The following KAZN variants were observed in gnomAD, a reference collection of about 807,000 sequenced individuals.
KAZN encodes the protein kazrin, periplakin interacting protein.
KAZN carries 40 observed loss-of-function variants against 87.4 expected under a neutral mutation model. The observed-to-expected ratio is 0.46, with a 90% confidence interval of 0.36 to 0.60. The LOEUF is 0.60. Ranked by LOEUF, KAZN falls within the 20% of genes least tolerant of loss-of-function variation. The pLI is 0.00. For synonymous variants in KAZN, 466 were observed against 458.3 expected (o/e 1.02, Z -0.22); for missense variants, 898 against 1,073.9 (o/e 0.84, Z 2.29).
rs12061128 is a variant in KAZN, at chr1:14,858,209, C to T, written c.227-102475C>T. 1.0e-2 allele frequency among the ~76,000 whole-genome samples: 1,155 copies of T among 115,648 alleles called. 26 individuals carry two copies. The highest frequency in any genetic ancestry group is 0.036 in the African/African-American group (937 of 26,248). The allele number at this position is 115,648 out of a possible 152,430, so 75.9% of individuals were successfully genotyped here. A position where few individuals can be genotyped will look rare whatever the true frequency, so the allele number is the denominator to read the frequency against. On this transcript the variant is annotated intron_variant, in intron 1 of 14. Coordinates refer to ENST00000376030, the MANE Select transcript of KAZN (RefSeq NM_201628.3). ...CTTTCTTTTTTTCTTTTTTCTTTTT[C>T]TTTTCTTTTTTTTTTTTTTTTGAGA... is the stretch of plus-strand genomic sequence containing the variant.
intron 2 of KAZN, among the ~76,000 whole-genome samples, chr1:14,196,334 T>C (rs938892689): frequency 9.9e-5 from 15 of 152,184 alleles, no homozygotes; most frequent in Non-Finnish European, 1.9e-4. Flanking sequence ...GAGTAACCTG[T>C]ACAATAGGGC....
chr1:14,236,687 G>C (rs1648456207), intron 2 of KAZN, among the ~76,000 whole-genome samples: 1 of 152,162 alleles, frequency 6.6e-6, no homozygotes, highest in African/African-American at 2.4e-5. Context: ...GGAGGCAAGG[G>C]TGGGTAGATT....
chr1:14,223,719 C>G (rs910849543), intron 2 of KAZN, among the ~76,000 whole-genome samples: 7 of 152,158 alleles, frequency 4.6e-5, no homozygotes, highest in African/African-American at 1.7e-4. Context: ...ATACAAGACT[C>G]TCGACGATGA....
intron 2 of KAZN, among the ~76,000 whole-genome samples, chr1:14,381,881 G>A (rs139012062): frequency 1.3e-5 from 2 of 152,192 alleles, no homozygotes; most frequent in African/African-American, 4.8e-5. Context: ...AAAGGAAGAA[G>A]TCAAATATCC....
At chr1:14,200,373 T>A (rs918528172) in intron 2 of KAZN, among the ~76,000 whole-genome samples, 4 of 152,236 alleles carry the variant, frequency 2.6e-5, no homozygotes, top group Non-Finnish European at 4.4e-5. Context: ...ATCCTTTCTT[T>A]TTTTTGAATT....
At chr1:14,369,202 A>G (rs1014002630) in intron 2 of KAZN, among the ~76,000 whole-genome samples, 1 of 152,172 alleles carries the variant, frequency 6.6e-6, no homozygotes, top group African/African-American at 2.4e-5. Flanking sequence ...CTCTCAGGAG[A>G]AATGTTCTCG....
In KAZN at chr1:15,060,256, C is replaced by T. The variant is rs781636405; in HGVS notation, c.1001C>T (p.Pro334Leu). The stretch of plus-strand genomic sequence containing the variant: ...GCCGAAGGCGACCGGTCGTCCACAC[C>T]GAGCGACATCAACTCCCCTCGACAC... ...SAAEGDRSST[P>L]SDINSPRHRT... Residue 334 changes from proline to leucine, a missense_variant, in exon 6 of 15, where the codon CCG becomes CTG. Coordinates refer to ENST00000376030, the MANE Select transcript of KAZN (RefSeq NM_201628.3). 1.9e-6 allele frequency: 3 copies of T among 1,614,232 alleles called. No individual in the cohort carries two copies. The highest frequency in any genetic ancestry group is 1.3e-5 in the African/African-American group (1 of 75,080).
rs74435189 is a variant in KAZN, at chr1:14,418,213, C to T, written c.250-180770C>T. Among the ~76,000 whole-genome samples, 927 of 151,968 alleles carry T rather than the reference C, an allele frequency of 6.1e-3. 40 individuals carry two copies. The highest frequency in any genetic ancestry group is 0.047 in the Admixed American group (723 of 15,258). On this transcript the variant is annotated intron_variant, in intron 2 of 16. Transcript: ENST00000636203. ...GGTAGTGTTGATGAGATATTAGGAGCTCAAATTCAGGAAGATCTGAGTTCA... is the reference window on the plus strand; with the variant it reads ...GGTAGTGTTGATGAGATATTAGGAGTTCAAATTCAGGAAGATCTGAGTTCA...
At chr1:14,405,005 C>G (rs1663712374) in intron 2 of KAZN, among the ~76,000 whole-genome samples, 1 of 152,108 alleles carries the variant, frequency 6.6e-6, no homozygotes, top group Non-Finnish European at 1.5e-5. Context: ...TTTATGTTTT[C>G]TACATTGCAT....
At position 15,081,085 on chromosome 1, in the gene KAZN, G is replaced by A. The variant is rs1356362901; in HGVS notation, c.1223-13095G>A. On this transcript the variant is annotated intron_variant, in intron 8 of 14. Transcript: ENST00000376030. This position sits in a 1 kb window ranked among gnomAD's most constrained non-coding sequence, Gnocchi z 4.1. ...CCCTGCTGTGGCTGGAAGAGGCGTG[G>A]ACGAGGCGGGGTTGGCAGAAGATGA... 1.3e-5 allele frequency among the ~76,000 whole-genome samples: 2 copies of A among 152,260 alleles called. No homozygotes were observed. Among genetic ancestry groups the A allele is most frequent in the African/African-American group, 4.8e-5 (2 of 41,476 alleles).
At chr1:14,178,028 C>CATGG (rs1646121694) in intron 1 of KAZN, among the ~76,000 whole-genome samples, 1 of 152,194 alleles carries the variant, frequency 6.6e-6, no homozygotes, top group Admixed American at 6.5e-5. Context: ...GTAATTTAAT[C>CATGG]ATGGGGGCGG....
chr1:14,151,021 T>G (rs1304988490), intron 1 of KAZN, among the ~76,000 whole-genome samples: 1 of 152,206 alleles, frequency 6.6e-6, no homozygotes, highest in Non-Finnish European at 1.5e-5. Flanking sequence ...TGAATGTACC[T>G]ACATTATAAA....
At chr1:15,040,274 G>T (rs1426086035) in intron 3 of KAZN, among the ~76,000 whole-genome samples, 1 of 152,236 alleles carries the variant, frequency 6.6e-6, no homozygotes, top group Non-Finnish European at 1.5e-5. Flanking sequence ...GGAACAGGAT[G>T]ACTGGAACCC....
At chr1:13,935,921 AAT>A in intron 1 of KAZN, among the ~76,000 whole-genome samples, 1 of 148,758 alleles carries the variant, frequency 6.7e-6, no homozygotes, top group Admixed American at 6.8e-5. Context: ...TAAATTATTT[AAT>A]ATATGTACAT....
intron 2 of KAZN, among the ~76,000 whole-genome samples, chr1:14,493,784 A>G (rs1669803357): frequency 6.6e-6 from 1 of 152,216 alleles, no homozygotes; most frequent in Non-Finnish European, 1.5e-5. Flanking sequence ...TCAAATTCAT[A>G]CTCAGGCCAT....
chr1:14,991,405 G>A (rs1230963876), intron 2 of KAZN, among the ~76,000 whole-genome samples: 1 of 152,070 alleles, frequency 6.6e-6, no homozygotes, highest in African/African-American at 2.4e-5. Context: ...CTTGATCTTG[G>A]ACTCCTGTCC....
At chr1:14,407,257 T>TGG (rs770169856) in intron 2 of KAZN, among the ~76,000 whole-genome samples, 1 of 152,188 alleles carries the variant, frequency 6.6e-6, no homozygotes, top group African/African-American at 2.4e-5. Context: ...CTCTAAGACC[T>TGG]GGGAGAGGAC....
At chr1:14,924,346 G>T in intron 1 of KAZN, 2 of 988,150 alleles carry the variant, frequency 2.0e-6, no homozygotes, top group African/African-American at 3.5e-5. Context: ...CGCTGGTAGC[G>T]TCCCCCCGGG....
intron 2 of KAZN, among the ~76,000 whole-genome samples, chr1:14,413,028 A>G (rs1012543037): frequency 3.4e-5 from 5 of 148,936 alleles, no homozygotes; most frequent in African/African-American, 9.8e-5. Flanking sequence ...ATTTGTATTT[A>G]TATATTACAT....
Sources: allele counts gnomAD v4.1 joint callset (sites outside exome capture counted in the v4.1 genomes callset), GRCh38; gene constraint gnomAD v4.1.1; non-coding constraint Gnocchi (gnomAD v3.1); transcripts MANE v1.5; gene names NCBI Gene and HGNC (gene_info 2026-07-23, HGNC 2026-07-21).